BCAS1: variants seen among roughly 807,000 people sequenced by gnomAD.
The protein encoded by BCAS1 is breast carcinoma-amplified sequence 1.
In BCAS1, 46 loss-of-function variants were observed where a neutral mutation model predicts 65.4. The observed-to-expected ratio is 0.70, with a 90% CI of 0.55 to 0.90. BCAS1 has a LOEUF of 0.90. Ranked by LOEUF, BCAS1 falls within the 40% of genes least tolerant of loss-of-function variation. The pLI, the probability that BCAS1 is intolerant of heterozygous loss-of-function variation, is 0.00. For missense variants in BCAS1, 793 were observed against 771.2 expected, an observed-to-expected ratio of 1.03 and a Z score of -0.33; for synonymous variants, 298 against 293.5, an observed-to-expected ratio of 1.02 and a Z score of -0.16.
chr20:53,967,134 TTACAA>T (rs2090054651), intron 9 of BCAS1, 61 bp from the exon 10 acceptor site: 1 of 1,581,842 alleles, frequency 6.3e-7, no homozygotes, highest in Non-Finnish European at 8.6e-7. Flanking sequence ...AAAACATGTT[TTACAA>T]AGTGGGGTCC....
At chr20:54,052,618 G>C (rs958407938) in intron 3 of BCAS1, among the ~76,000 whole-genome samples, 3 of 152,108 alleles carry the variant, frequency 2.0e-5, no homozygotes, top group Admixed American at 6.5e-5. Context: ...ACGGACTTGA[G>C]GGAACTAGTT....
rs1183870730 is a variant in BCAS1 at position 54,028,965 on chromosome 20, C to G, written c.150G>C (p.Leu50Phe). 8 of 1,605,632 alleles carry G rather than the reference C, an allele frequency of 5.0e-6. No homozygotes were observed. The African/African-American group carries it at 1.1e-4, about 22-fold the overall frequency. Residue 50 changes from leucine to phenylalanine, a missense_variant, in exon 4 of 13, where the codon TTG becomes TTC. Physicochemically the swap from Leu to Phe is conservative, Grantham distance 22. Coordinates refer to ENST00000688948, the MANE Select transcript of BCAS1 (RefSeq NM_001366298.2). Reference protein sequence around the residue: ...HTVQHLEEVDLGISVKTDNVA... With the variant: ...HTVQHLEEVDFGISVKTDNVA... ...CATTATCCGTCTTGACACTTATTCC[C>G]AAGTCGACTGTAAACACAAACATAA...
intron 10 of BCAS1, among the ~76,000 whole-genome samples, chr20:53,960,493 AAAAGAG>A (rs1216173959): frequency 0.14 from 15,609 of 114,880 alleles, 1,321 homozygotes; most frequent in South Asian, 0.18. Flanking sequence ...AAAAAAAAAA[AAAAGAG>A]AGAGAGAGTA....
intron 1 of BCAS1, among the ~76,000 whole-genome samples, chr20:54,059,701 C>T (rs1361467801): frequency 6.6e-6 from 1 of 152,180 alleles, no homozygotes; most frequent in Non-Finnish European, 1.5e-5. Flanking sequence ...TATAACCTAT[C>T]GTTCCTAGGC....
At chr20:54,014,044 T>C (rs1600869549) in intron 4 of BCAS1, among the ~76,000 whole-genome samples, 2 of 152,280 alleles carry the variant, frequency 1.3e-5, no homozygotes, top group Non-Finnish European at 2.9e-5. Flanking sequence ...ACTAAAAAAA[T>C]TTAAAAACAT....
chr20:53,949,972 C>T (rs1224475610), intron 12 of BCAS1, among the ~76,000 whole-genome samples: 3 of 152,160 alleles, frequency 2.0e-5, no homozygotes, highest in African/African-American at 7.2e-5. Context: ...CATCAGCTCT[C>T]CCAAGAAATA....
At chr20:54,062,066 C>T (rs2092382920) in intron 1 of BCAS1, among the ~76,000 whole-genome samples, 1 of 152,062 alleles carries the variant, frequency 6.6e-6, no homozygotes, top group African/African-American at 2.4e-5. Context: ...ATAGTCATGC[C>T]CTTTTATTTA....
intron 10 of BCAS1, among the ~76,000 whole-genome samples, chr20:53,964,151 G>C (rs1318981523): frequency 6.6e-6 from 1 of 152,194 alleles, no homozygotes; most frequent in Non-Finnish European, 1.5e-5. Context: ...TTGAGCAATG[G>C]TTAACCTGAG....
intron 4 of BCAS1, among the ~76,000 whole-genome samples, chr20:54,001,102 G>A (rs2091044941): frequency 6.6e-6 from 1 of 152,100 alleles, no homozygotes; most frequent in African/African-American, 2.4e-5. Context: ...CTTTGTTTTT[G>A]GAGGTAGTTA....
chr20:53,995,036 T>C lies in BCAS1; in HGVS notation c.903A>G (p.Glu301=). The C allele has an allele frequency of 6.2e-7, 1 of 1,613,514 alleles. No individual in the cohort carries two copies. Among genetic ancestry groups the C allele is most frequent in the Middle Eastern group, 1.7e-4 (1 of 6,058 alleles). ...CCGTGTCTTCTGGGTCCTTTTTTGT[T>C]TCAGCTTTGTTAGGTGAAACCTTAA... ...FKTLVSPNKA[E]TKKDPEDTAS... Residue 301 remains glutamate (E), a synonymous_variant, in exon 6 of 13, where the codon GAA becomes GAG. Transcript: ENST00000688948.
intron 12 of BCAS1, among the ~76,000 whole-genome samples, 174 bp downstream of exon 12, chr20:53,953,257 TA>T (rs1396047513): frequency 1.3e-5 from 2 of 152,132 alleles, no homozygotes; most frequent in Non-Finnish European, 2.9e-5. Context: ...TCTCAGCTTG[TA>T]AAATGGAGAA....
intron 10 of BCAS1, 70 bp downstream of exon 10, chr20:53,966,836 C>A: frequency 1.4e-6 from 2 of 1,418,992 alleles, no homozygotes; most frequent in Non-Finnish European, 1.9e-6. Flanking sequence ...CTACCTGTGG[C>A]ATGAGCCCAT....
chr20:54,025,414 T>G (rs987035535), intron 4 of BCAS1, among the ~76,000 whole-genome samples: 1 of 152,226 alleles, frequency 6.6e-6, no homozygotes, highest in African/African-American at 2.4e-5. Context: ...ATAATTTATC[T>G]TTTCTTTGGC....
chr20:54,019,874 G>T (rs931534645), intron 4 of BCAS1, among the ~76,000 whole-genome samples: 9 of 152,136 alleles, frequency 5.9e-5, no homozygotes, highest in African/African-American at 2.2e-4. Flanking sequence ...TGCACTGTCG[G>T]CCTCCACACT....
chr20:54,036,098 T>C (rs2091895572), intron 3 of BCAS1, among the ~76,000 whole-genome samples: 2 of 150,886 alleles, frequency 1.3e-5, no homozygotes, highest in Admixed American at 1.3e-4. Flanking sequence ...AAATAATTAA[T>C]AGATATTATT....
At position 53,979,008 on chromosome 20, in the gene BCAS1, G is replaced by A. The variant is rs183082769; in HGVS notation, c.1276-3578C>T. 6.3e-3 allele frequency among the ~76,000 whole-genome samples: 960 copies of A among 151,982 alleles called. 8 individuals carry two copies. The highest frequency in any genetic ancestry group is 8.9e-3 in the Non-Finnish European group (603 of 67,944). On this transcript the variant is annotated intron_variant, in intron 8 of 12. Coordinates refer to ENST00000688948, the MANE Select transcript of BCAS1 (RefSeq NM_001366298.2). The stretch of plus-strand genomic sequence containing the variant: ...TAAGGCCTGTGTAGGGAAAATCATG[G>A]CTGAAGCACAGCTGTGACTCACTGA...
intron 4 of BCAS1, among the ~76,000 whole-genome samples, chr20:54,023,654 T>C (rs114374843): frequency 0.01 from 1,545 of 152,260 alleles, 23 homozygotes; most frequent in African/African-American, 0.035. Flanking sequence ...GTGTTGGCCA[T>C]ATTGACTGGA....
intron 8 of BCAS1, among the ~76,000 whole-genome samples, chr20:53,982,956 A>T (rs2145757726): frequency 6.6e-6 from 1 of 152,308 alleles, no homozygotes; most frequent in Non-Finnish European, 1.5e-5. Flanking sequence ...AGAAGGAGAG[A>T]CACAGGGGAT....
At chr20:54,048,061 C>T (rs1023299430) in intron 3 of BCAS1, among the ~76,000 whole-genome samples, 7 of 152,138 alleles carry the variant, frequency 4.6e-5, no homozygotes, top group South Asian at 2.1e-4. Context: ...TTAGCTTCCC[C>T]GCCTCCAGAC....
Sources: gnomAD v4.1 joint callset for allele counts (sites outside exome capture counted in the v4.1 genomes callset) on GRCh38, gnomAD v4.1.1 for gene constraint, MANE v1.5 for transcripts, NCBI Gene and HGNC (gene_info 2026-07-23, HGNC 2026-07-21) for gene names.